Variants in RICTOR observed in about 807,000 individuals in gnomAD.
RICTOR encodes RPTOR independent companion of MTOR complex 2, also known as rapamycin-insensitive companion of mTOR.
In RICTOR, 49 loss-of-function variants were observed where a neutral mutation model predicts 214.9. The observed-to-expected ratio is 0.23, with a 90% CI of 0.18 to 0.29. The LOEUF (loss-of-function observed/expected upper bound fraction) is 0.29, where lower values mean the gene tolerates loss of function less well. RICTOR is among the 10% of genes least tolerant of loss of function. The pLI, the probability that RICTOR is intolerant of heterozygous loss-of-function variation, is 1.00. For synonymous variants in RICTOR, 717 were observed against 711.3 expected, an observed-to-expected ratio of 1.01 and a Z score of -0.13; for missense variants, 1,625 against 2,047.0, an observed-to-expected ratio of 0.79 and a Z score of 3.98.
At chr5:39,062,163 G>A (rs894385270) in intron 2 of RICTOR, among the ~76,000 whole-genome samples, 1 of 152,032 alleles carries the variant, frequency 6.6e-6, no homozygotes, top group African/African-American at 2.4e-5. Flanking sequence ...AACAAGGTAG[G>A]AAATAGCTTA....
intron 7 of RICTOR, among the ~76,000 whole-genome samples, chr5:38,985,341 T>C (rs184917259): frequency 9.8e-5 from 15 of 152,314 alleles, no homozygotes; most frequent in Admixed American, 9.2e-4. Context: ...TAAATGGTTA[T>C]ACTGTATTTA....
intron 7 of RICTOR, among the ~76,000 whole-genome samples, chr5:38,983,935 C>T (rs1220270249): frequency 6.6e-6 from 1 of 152,156 alleles, no homozygotes; most frequent in Non-Finnish European, 1.5e-5. Flanking sequence ...CACTACACTC[C>T]AGCCTGGTGG....
intron 31 of RICTOR, chr5:38,949,301 A>C: frequency 1.7e-6 from 2 of 1,149,636 alleles, no homozygotes; most frequent in East Asian, 5.1e-5. Flanking sequence ...ATTTTCATTT[A>C]TCTTTTTAAA....
At chr5:39,018,805 G>A (rs1169930901) in intron 3 of RICTOR, among the ~76,000 whole-genome samples, 1 of 152,106 alleles carries the variant, frequency 6.6e-6, no homozygotes, top group Admixed American at 6.6e-5. Context: ...GTGAAAGGGA[G>A]AGTCAACCAT....
intron 2 of RICTOR, among the ~76,000 whole-genome samples, chr5:39,036,293 C>T (rs913523251): frequency 1.3e-5 from 2 of 152,150 alleles, no homozygotes; most frequent in African/African-American, 4.8e-5. Context: ...ACCAGGCCTG[C>T]CCTAAAAGAG....
chr5:39,051,392 A>G (rs1301797246), intron 2 of RICTOR, among the ~76,000 whole-genome samples: 2 of 152,198 alleles, frequency 1.3e-5, no homozygotes, highest in Non-Finnish European at 2.9e-5. Context: ...TCACAAATAA[A>G]AAAAGTTAGA....
intron 11 of RICTOR, among the ~76,000 whole-genome samples, chr5:38,969,386 TG>T (rs1750544850): frequency 6.6e-6 from 1 of 152,122 alleles, no homozygotes; most frequent in Admixed American, 6.5e-5. Context: ...ACAATGTGTT[TG>T]TGTTTTAAGC....
chr5:38,963,062 A>G (rs1401410572), intron 16 of RICTOR, 21 bp from the exon 17 acceptor site: 13 of 1,588,318 alleles, frequency 8.2e-6, no homozygotes, highest in Admixed American at 1.7e-5. Flanking sequence ...AAACAATTCA[A>G]TCAATACAGT....
At chr5:39,049,503 A>G (rs1757706001) in intron 2 of RICTOR, among the ~76,000 whole-genome samples, 1 of 152,134 alleles carries the variant, frequency 6.6e-6, no homozygotes, top group Admixed American at 6.5e-5. Context: ...AACTTAAAAC[A>G]AATAAGCATA....
At position 38,955,422 on chromosome 5, in the gene RICTOR, C is replaced by T. The variant is rs1203733127; in HGVS notation, c.2609+173G>A. ...TGCCAGCATGGAGTATATGTGAATG[C>T]GTTATCAGTAAGGATATTCAACATG... is the stretch of plus-strand genomic sequence containing the variant. On this transcript the variant is annotated intron_variant, in intron 26 of 37. Transcript: ENST00000357387. Among the ~76,000 whole-genome samples, 4 of 151,986 alleles carry T rather than the reference C, an allele frequency of 2.6e-5. No individual in the cohort carries two copies. The South Asian group carries it at 6.2e-4, about 24-fold the overall frequency.
intron 10 of RICTOR, among the ~76,000 whole-genome samples, chr5:38,972,889 CAACA>C (rs1750904963): frequency 7.3e-6 from 1 of 136,578 alleles, no homozygotes; most frequent in African/African-American, 2.7e-5. Flanking sequence ...AAAAAAAGAA[CAACA>C]AAAACTGAAA....
intron 9 of RICTOR, among the ~76,000 whole-genome samples, chr5:38,976,564 G>A (rs541436253): frequency 6.6e-6 from 1 of 152,250 alleles, no homozygotes; most frequent in East Asian, 1.9e-4. Context: ...TGGAAGAAGG[G>A]AGAATCAGAC....
At chr5:39,028,296 C>T (rs1347646847) in intron 2 of RICTOR, among the ~76,000 whole-genome samples, 1 of 148,634 alleles carries the variant, frequency 6.7e-6, no homozygotes, top group Non-Finnish European at 1.5e-5. Flanking sequence ...CATTCTCCTG[C>T]CTCAGCCTCC....
chr5:38,984,400 T>A (rs1561492555), intron 7 of RICTOR, among the ~76,000 whole-genome samples: 1 of 152,092 alleles, frequency 6.6e-6, no homozygotes, highest in African/African-American at 2.4e-5. Flanking sequence ...ATGAAATGGA[T>A]TTTTTTTCTT....
chr5:38,951,430 A>G (rs930379779), intron 30 of RICTOR, among the ~76,000 whole-genome samples: 4 of 152,038 alleles, frequency 2.6e-5, no homozygotes, highest in Non-Finnish European at 4.4e-5. Context: ...TATTTTGTCA[A>G]TTCTAAGATG....
intron 3 of RICTOR, among the ~76,000 whole-genome samples, chr5:39,018,678 TC>T (rs2150132366): frequency 6.6e-6 from 1 of 152,200 alleles, no homozygotes; most frequent in East Asian, 1.9e-4. Flanking sequence ...GTGTTCCAAT[TC>T]CTCCACCAAC....
intron 2 of RICTOR, among the ~76,000 whole-genome samples, chr5:39,068,320 G>A (rs532522987): frequency 3.9e-5 from 6 of 152,322 alleles, no homozygotes; most frequent in Admixed American, 2.0e-4. Flanking sequence ...AGTCTCCACG[G>A]AGAAAGAGGT....
At chr5:38,993,463 G>A (rs896490808) in intron 6 of RICTOR, among the ~76,000 whole-genome samples, 4 of 151,898 alleles carry the variant, frequency 2.6e-5, no homozygotes, top group African/African-American at 9.7e-5. Flanking sequence ...GGAAGGGGGA[G>A]AGAGAAGGGG....
At chr5:38,943,820 A>T (rs1282682848) in intron 36 of RICTOR, among the ~76,000 whole-genome samples, 1 of 152,094 alleles carries the variant, frequency 6.6e-6, no homozygotes, top group African/African-American at 2.4e-5. Context: ...CTCAAAAAAG[A>T]AATACAAAAT....
Sources: allele counts gnomAD v4.1 joint callset (sites outside exome capture counted in the v4.1 genomes callset), GRCh38; gene constraint gnomAD v4.1.1; transcripts MANE v1.5; gene names NCBI Gene and HGNC (gene_info 2026-07-23, HGNC 2026-07-21).